NCOA6: variants seen among roughly 807,000 people sequenced by gnomAD.
NCOA6 encodes the protein nuclear receptor coactivator 6.
In NCOA6, 49 loss-of-function variants were observed where a neutral mutation model predicts 171.4. That is an observed-to-expected ratio of 0.29 (90% CI 0.23 to 0.36). The LOEUF (loss-of-function observed/expected upper bound fraction) is 0.36. Ranked by LOEUF, NCOA6 falls within the 10% of genes least tolerant of loss-of-function variation. The probability of loss-of-function intolerance (pLI) is 1.00; values close to 1 mark genes in which losing one functional copy is unlikely to be tolerated. For missense variants in NCOA6, 2,248 were observed against 2,554.5 expected, an observed-to-expected ratio of 0.88 and a Z score of 2.59; for synonymous variants, 910 against 927.5, an observed-to-expected ratio of 0.98 and a Z score of 0.34.
At chr20:34,817,358 GA>G (rs1159097159) in intron 1 of NCOA6, among the ~76,000 whole-genome samples, 2 of 151,806 alleles carry the variant, frequency 1.3e-5, no homozygotes, top group Non-Finnish European at 2.9e-5. Flanking sequence ...AATATTAACT[GA>G]TATAGTTAAT....
chr20:34,752,243 G>A (rs1035476107), intron 8 of NCOA6, among the ~76,000 whole-genome samples: 2 of 152,148 alleles, frequency 1.3e-5, no homozygotes, highest in African/African-American at 4.8e-5. Context: ...AAGGCAGGGG[G>A]CAAACTACCT....
chr20:34,724,276 C>T (rs1281444984), intron 14 of NCOA6, among the ~76,000 whole-genome samples: 2 of 152,176 alleles, frequency 1.3e-5, no homozygotes, highest in African/African-American at 4.8e-5. Context: ...CTCCAGCAGG[C>T]TGAGTATGGT....
intron 1 of NCOA6, among the ~76,000 whole-genome samples, chr20:34,810,609 G>A (rs1053401766): frequency 3.3e-5 from 5 of 151,360 alleles, no homozygotes; most frequent in Non-Finnish European, 7.4e-5. Context: ...AGGCTGGAGT[G>A]CAGTGGTGCA....
At chr20:34,722,054 C>CAAAAAAAAAAA (rs71196757) in intron 14 of NCOA6, among the ~76,000 whole-genome samples, 1 of 63,388 alleles carries the variant, frequency 1.6e-5, no homozygotes, top group Non-Finnish European at 2.8e-5. Context: ...GACCCTGTCT[C>CAAAAAAAAAAA]AAAAAAAAAA....
At chr20:34,737,036 A>C (rs2145480121) in intron 11 of NCOA6, among the ~76,000 whole-genome samples, 1 of 152,298 alleles carries the variant, frequency 6.6e-6, no homozygotes, top group East Asian at 1.9e-4. Flanking sequence ...CATAGCACTC[A>C]CATTTTCTGC....
chr20:34,760,317 C>T (rs975894281), intron 5 of NCOA6, among the ~76,000 whole-genome samples: 3 of 152,162 alleles, frequency 2.0e-5, no homozygotes, highest in Non-Finnish European at 2.9e-5. Context: ...ATTCTCTTTT[C>T]CTTTCCTTGG....
intron 1 of NCOA6, among the ~76,000 whole-genome samples, chr20:34,801,639 A>T (rs542598051): frequency 5.3e-5 from 8 of 152,176 alleles, no homozygotes; most frequent in Non-Finnish European, 1.2e-4. Context: ...TTAACCATGA[A>T]AAAATCCAAA....
rs765650754 is a variant in NCOA6, at chr20:34,749,895, A to G, written c.2300T>C (p.Leu767Pro). 3 of 1,614,204 alleles carry G rather than the reference A, an allele frequency of 1.9e-6. No individual in the cohort carries two copies. The highest frequency in any genetic ancestry group is 1.6e-4 in the Middle Eastern group (1 of 6,062). ...QFTGQMSGQM[L>P]PQQGPVNNSP... is the part of the protein sequence containing the mutation. ...GTTGTTCACAGGCCCTTGCTGGGGC[A>G]GCATCTGTCCTGACATCTGTCCCGT... Residue 767 changes from leucine to proline, a missense_variant, in exon 9 of 15, where the codon CTG becomes CCG. By Grantham distance (98) the Leu-to-Pro change is moderately conservative. Coordinates refer to ENST00000359003, the MANE Select transcript of NCOA6 (RefSeq NM_014071.5).
In NCOA6 at chr20:34,750,375, C is replaced by G. The variant is rs375988994; in HGVS notation, c.1820G>C (p.Ser607Thr). Residue 607 changes from serine to threonine, a missense_variant, in exon 9 of 15, where the codon AGC (serine) becomes ACC (threonine). By Grantham distance (58) the Ser-to-Thr change is moderately conservative (BLOSUM62 1). Transcript: ENST00000359003. ...GTSGVPQVNLSNMQGQPQQGP... is the reference protein window; with the variant it reads ...GTSGVPQVNLTNMQGQPQQGP... The stretch of plus-strand genomic sequence containing the variant: ...CTGCTGGGGCTGGCCTTGCATGTTG[C>G]TGAGGTTCACTTGAGGAACCCCAGA... 6.2e-7 allele frequency: 1 copy of G among 1,614,004 alleles called. No individual in the cohort carries two copies. Among genetic ancestry groups the G allele is most frequent in the African/African-American group, 1.3e-5 (1 of 74,904 alleles).
intron 14 of NCOA6, among the ~76,000 whole-genome samples, chr20:34,721,238 CAAAAAAAAAAAAAA>C (rs10531679): frequency 1.5e-4 from 10 of 66,052 alleles, no homozygotes; most frequent in Non-Finnish European, 2.7e-4. Context: ...TTCCTCTATA[CAAAAAAAAAAAAAA>C]AAAAAAAAAA....
At chr20:34,814,174 C>T (rs1601149359) in intron 1 of NCOA6, among the ~76,000 whole-genome samples, 3 of 151,698 alleles carry the variant, frequency 2.0e-5, no homozygotes, top group East Asian at 1.9e-4. Context: ...TACAAAATCC[C>T]GTGAAAATAC....
chr20:34,812,263 A>C (rs547996522), intron 1 of NCOA6, among the ~76,000 whole-genome samples: 49 of 151,918 alleles, frequency 3.2e-4, no homozygotes, highest in South Asian at 1.9e-3. Context: ...AAAAAAAAAA[A>C]AACAACAACA....
At chr20:34,777,629 A>C (rs62213659) in intron 3 of NCOA6, among the ~76,000 whole-genome samples, 7 of 152,046 alleles carry the variant, frequency 4.6e-5, no homozygotes, top group African/African-American at 1.7e-4. Context: ...AAAAAAAAGA[A>C]ACTGGAACCC....
chr20:34,744,794 C>T (rs2076254308), intron 10 of NCOA6, among the ~76,000 whole-genome samples: 1 of 152,142 alleles, frequency 6.6e-6, no homozygotes, highest in South Asian at 2.1e-4. Context: ...TCCTATTTTT[C>T]ACATTCAGTC....
Position 34,813,465 on chromosome 20 carries a change from TA to T in NCOA6, c.-164+12006del, listed in dbSNP as rs1163906642. 4.8e-3 allele frequency among the ~76,000 whole-genome samples: 623 copies of T among 129,866 alleles called. 1 individual carries two copies. Among genetic ancestry groups the T allele is most frequent in the Middle Eastern group, 0.015 (4 of 264 alleles). The allele number at this position is 129,866 out of a possible 152,430, so 85.2% of individuals were successfully genotyped here. ...TGGGCAACAGAGTGAAACTCTGTCT[TA>T]AAAAAAAAAAAAAAAGGTCATTTTG... is the stretch of plus-strand genomic sequence containing the variant. On this transcript the variant is annotated intron_variant, in intron 1 of 14. Transcript: ENST00000359003.
chr20:34,776,721 C>A (rs1305633462), intron 3 of NCOA6: 1 of 555,196 alleles, frequency 1.8e-6, no homozygotes, highest in Non-Finnish European at 3.4e-6. Flanking sequence ...TTTTTGGGTA[C>A]AAATTAGATA....
rs185278335 is a variant in NCOA6, at chr20:34,786,878, G to A, written c.-49-4474C>T. Among the ~76,000 whole-genome samples the A allele has an allele frequency of 7.2e-3, 1,096 of 152,114 alleles. 9 individuals carry two copies. The highest frequency in any genetic ancestry group is 8.5e-3 in the Non-Finnish European group (578 of 67,978). On this transcript the variant is annotated intron_variant, in intron 2 of 14. Coordinates refer to ENST00000359003, the MANE Select transcript of NCOA6 (RefSeq NM_014071.5). ...AACCCAAAACTAAAAAACTTCAGAA[G>A]AAAATCTAGGCAATACCATTCAGGA...
rs532301347 is a variant in NCOA6, at chr20:34,818,310, C to T, written c.-164+7162G>A. On this transcript the variant is annotated intron_variant, in intron 1 of 14. Transcript: ENST00000359003. Reference sequence around the variant, plus strand: ...TAAAGACTGCAATGAGTTATAATCACGCCACTGCACTCCAGCCTGGGCAAC... The same window carrying T: ...TAAAGACTGCAATGAGTTATAATCATGCCACTGCACTCCAGCCTGGGCAAC... Among the ~76,000 whole-genome samples the T allele has an allele frequency of 3.3e-5, 5 of 152,188 alleles. No homozygotes were observed. The South Asian group carries it at 6.2e-4, about 19-fold the overall frequency.
chr20:34,784,183 C>T (rs1188296016), intron 2 of NCOA6, among the ~76,000 whole-genome samples: 2 of 151,636 alleles, frequency 1.3e-5, no homozygotes, highest in Non-Finnish European at 2.9e-5. Context: ...TGGTTATATT[C>T]CTTGCATAAA....
Sources: gnomAD v4.1 joint callset for allele counts (sites outside exome capture counted in the v4.1 genomes callset) on GRCh38, gnomAD v4.1.1 for gene constraint, MANE v1.5 for transcripts, NCBI Gene and HGNC (gene_info 2026-07-23, HGNC 2026-07-21) for gene names.